The following R3HDM2 variants were observed in gnomAD, a reference collection of about 807,000 sequenced individuals.
R3HDM2 encodes R3H domain-containing protein 2.
R3HDM2 carries 38 observed loss-of-function variants against 124.5 expected under a neutral mutation model. That is an observed-to-expected ratio of 0.31 (90% CI 0.24 to 0.40). The LOEUF is 0.40. R3HDM2 is among the 10% of genes least tolerant of loss of function. R3HDM2 has a pLI of 1.00. For synonymous variants in R3HDM2, 391 were observed against 448.0 expected (o/e 0.87, Z 1.61); for missense variants, 869 against 1,236.9 (o/e 0.70, Z 4.46).
In R3HDM2 at chr12:57,360,045, ATATT is replaced by A. The variant is rs1170876006; in HGVS notation, c.-36+35700_-36+35703del. On this transcript the variant is annotated intron_variant, in intron 2 of 23. Transcript: ENST00000402412. ...TATACACACATATATATATATATAT[ATATT>A]TTTTTTTTTTTTTTGGTCGCTCAGG... 7.1e-3 allele frequency among the ~76,000 whole-genome samples: 547 copies of A among 77,002 alleles called. 1 individual carries two copies. Among genetic ancestry groups the A allele is most frequent in the African/African-American group, 0.018 (440 of 25,064 alleles). The allele number at this position is 77,002 out of a possible 152,430, so 50.5% of individuals were successfully genotyped here. A position where few individuals can be genotyped will look rare whatever the true frequency, so the allele number is the denominator to read the frequency against.
In R3HDM2 at chr12:57,310,285, G is replaced by T. The variant is rs921176206; in HGVS notation, c.144C>A (p.Thr48=). ...TTACCTGTGTCTCCTGACGCAAACT[G>T]GTATCTTCACATTCTTTCTCAATTT... ...KEEIEKECED[T]SLRQETQRRT... Residue 48 remains threonine (T), a synonymous_variant, in exon 3 of 24, where the codon ACC becomes ACA. Transcript: ENST00000402412. The T allele has an allele frequency of 1.3e-6, 2 of 1,540,106 alleles. No individual in the cohort carries two copies. The highest frequency in any genetic ancestry group is 1.7e-6 in the Non-Finnish European group (2 of 1,143,042).
chr12:57,313,074 AAC>A (rs1489899891), intron 2 of R3HDM2, among the ~76,000 whole-genome samples: 2 of 152,184 alleles, frequency 1.3e-5, no homozygotes, highest in East Asian at 1.9e-4. Flanking sequence ...CTACTATAAA[AAC>A]AGTTATAACC....
intron 2 of R3HDM2, among the ~76,000 whole-genome samples, chr12:57,360,024 CACACAT>C (rs1402789424): frequency 1.4e-5 from 1 of 70,952 alleles, no homozygotes; most frequent in African/African-American, 4.0e-5. Flanking sequence ...TATATATATA[CACACAT>C]ATATATATAT....
At chr12:57,430,187 C>A (rs1050336411) in intron 1 of R3HDM2, among the ~76,000 whole-genome samples, 7 of 152,124 alleles carry the variant, frequency 4.6e-5, no homozygotes, top group African/African-American at 1.7e-4. Flanking sequence ...GTTAGCTCTA[C>A]GGGAAAACGA....
intron 3 of R3HDM2, among the ~76,000 whole-genome samples, chr12:57,305,283 C>T (rs1170884434): frequency 6.6e-6 from 1 of 152,088 alleles, no homozygotes; most frequent in Non-Finnish European, 1.5e-5. Context: ...AGATCTACCC[C>T]ATTTTTAATG....
rs757392657 is a variant in R3HDM2 at position 57,283,843 on chromosome 12, C to G, written c.1152G>C (p.Ala384=). The part of the protein sequence containing the change: ...DSIGSSKGGS[A]GRISRPGMAL... ...TAATACCTGGCCTGGAGATCCTTCC[C>G]GCACTGCCGCCTTTACTGCTGCCGA... The change falls in exon 13 of 24, where the codon GCG becomes GCC. Residue 384 remains alanine (A), a synonymous_variant. Transcript: ENST00000402412. 2 of 1,614,152 alleles carry G rather than the reference C, an allele frequency of 1.2e-6. No homozygotes were observed. Among genetic ancestry groups the G allele is most frequent in the South Asian group, 2.2e-5 (2 of 91,072 alleles).
chr12:57,283,811 G>A lies in R3HDM2; in HGVS notation c.1171+13C>T. ...GGGATGGGTATGACATGGAAGAAAA[G>A]AAGCTGTAATACCTGGCCTGGAGAT... is the stretch of plus-strand genomic sequence containing the variant. On this transcript the variant is annotated intron_variant, in intron 13 of 23. Coordinates refer to ENST00000402412, the MANE Select transcript of R3HDM2 (RefSeq NM_001394031.1). 1 of 1,611,098 alleles carries A rather than the reference G, an allele frequency of 6.2e-7. No homozygotes were observed.
chr12:57,358,490 T>A (rs4760311), intron 2 of R3HDM2, among the ~76,000 whole-genome samples: 32 of 151,654 alleles, frequency 2.1e-4, no homozygotes, highest in African/African-American at 7.5e-4. Context: ...TACAAAAAAA[T>A]AAAAAAATTA....
Position 57,266,851 on chromosome 12 carries a change from A to C in R3HDM2, c.2031-20T>G, listed in dbSNP as rs2042546775. 1.3e-6 allele frequency: 2 copies of C among 1,519,714 alleles called. No homozygotes were observed. Among genetic ancestry groups the C allele is most frequent in the Admixed American group, 3.4e-5 (2 of 58,204 alleles). 94.1% of individuals were successfully genotyped at this position (1,519,714 alleles called of 1,614,324 possible). A position where few individuals can be genotyped will look rare whatever the true frequency, so the allele number is the denominator to read the frequency against. ...GAAGGGCTGGGAAGACAGAGAAGAG[A>C]GGAGTGGTGAAGCAGTAGAGGGATG... On this transcript the variant is annotated intron_variant, in intron 18 of 23. Coordinates refer to ENST00000402412, the MANE Select transcript of R3HDM2 (RefSeq NM_001394031.1).
At position 57,370,397 on chromosome 12, in the gene R3HDM2, C is replaced by T. The variant is rs1054116687; in HGVS notation, c.-36+25352G>A. On this transcript the variant is annotated intron_variant, in intron 2 of 23. Transcript: ENST00000402412. ...TCTAATCACAGCACTTTGGGAGGCC[C>T]GGGGGGGGGGGGCGGGGTGGATCAC... is the stretch of plus-strand genomic sequence containing the variant. Among the ~76,000 whole-genome samples the T allele has an allele frequency of 1.6e-4, 10 of 62,676 alleles. 1 individual carries two copies. The highest frequency in any genetic ancestry group is 5.5e-4 in the South Asian group (1 of 1,832). The allele number at this position is 62,676 out of a possible 152,430, so 41.1% of individuals were successfully genotyped here.
intron 1 of R3HDM2, chr12:57,418,415 G>T: frequency 1.2e-6 from 1 of 834,812 alleles, no homozygotes; most frequent in African/African-American, 1.8e-5. Context: ...GCTGCCGTTG[G>T]TCTTTGTCCT....
intron 14 of R3HDM2, among the ~76,000 whole-genome samples, chr12:57,278,725 C>T (rs1188874674): frequency 6.6e-6 from 1 of 152,112 alleles, no homozygotes; most frequent in African/African-American, 2.4e-5. Context: ...AAAGTTAGGA[C>T]TATAGAAAGA....
intron 1 of R3HDM2, chr12:57,430,484 CCCCTG>C: frequency 3.5e-6 from 3 of 863,422 alleles, no homozygotes; most frequent in Non-Finnish European, 4.2e-6. Flanking sequence ...TGGCGCCACC[CCCCTG>C]CCCCCGCACC....
chr12:57,322,070 A>C, intron 2 of R3HDM2, among the ~76,000 whole-genome samples: 1 of 152,198 alleles, frequency 6.6e-6, no homozygotes, highest in East Asian at 1.9e-4. Context: ...CTACTAAAAA[A>C]TACAAAAATT....
intron 1 of R3HDM2, among the ~76,000 whole-genome samples, chr12:57,416,127 T>C (rs1219865632): frequency 2.6e-5 from 4 of 152,188 alleles, no homozygotes; most frequent in African/African-American, 9.7e-5. Flanking sequence ...TAAGAAATTA[T>C]GGAGTGAGGT....
At chr12:57,376,565 AG>A (rs540501498) in intron 2 of R3HDM2, among the ~76,000 whole-genome samples, 2 of 152,220 alleles carry the variant, frequency 1.3e-5, no homozygotes, top group African/African-American at 4.8e-5. Flanking sequence ...ATGAGGCAGG[AG>A]GTTCACTTGA....
intron 1 of R3HDM2, among the ~76,000 whole-genome samples, chr12:57,408,426 T>C (rs2068719270): frequency 6.6e-6 from 1 of 152,106 alleles, no homozygotes; most frequent in Non-Finnish European, 1.5e-5. Context: ...TATCAAGGAT[T>C]TGCTTCAAAA....
intron 2 of R3HDM2, among the ~76,000 whole-genome samples, chr12:57,313,774 G>A (rs1389303463): frequency 6.8e-6 from 1 of 147,798 alleles, no homozygotes; most frequent in Non-Finnish European, 1.5e-5. Flanking sequence ...CCAGCTACTC[G>A]GGAGGCTGAG....
intron 14 of R3HDM2, 143 bp downstream of exon 14, chr12:57,280,215 T>A: frequency 2.1e-6 from 2 of 936,042 alleles, no homozygotes; most frequent in South Asian, 2.5e-5. Flanking sequence ...TCCCTACAAC[T>A]AACAAATGAG....
Sources: allele counts gnomAD v4.1 joint callset (sites outside exome capture counted in the v4.1 genomes callset), GRCh38; gene constraint gnomAD v4.1.1; transcripts MANE v1.5; gene names NCBI Gene and HGNC (gene_info 2026-07-23, HGNC 2026-07-21).